KCNH1: variants seen among roughly 807,000 people sequenced by gnomAD.
The protein encoded by KCNH1 is potassium voltage-gated channel subfamily H member 1, also known as voltage-gated delayed rectifier potassium channel KCNH1.
Under a neutral mutation model 69.2 loss-of-function variants are expected in KCNH1, and 27 were observed. The observed-to-expected ratio is 0.39, with a 90% CI of 0.29 to 0.54. The LOEUF is 0.54. KCNH1 is among the 20% of genes least tolerant of loss of function. The pLI, the probability that KCNH1 is intolerant of heterozygous loss-of-function variation, is 0.68. For synonymous variants in KCNH1, 456 were observed against 487.7 expected, an observed-to-expected ratio of 0.93 and a Z score of 0.86; for missense variants, 798 against 1,261.6, an observed-to-expected ratio of 0.63 and a Z score of 5.57.
At position 211,103,517 on chromosome 1, in the gene KCNH1, T is replaced by A; in HGVS notation, c.289A>T (p.Ile97Phe). ...FENYEMNSFE[I>F]LMYKKNRTPV... Reference sequence around the variant, plus strand: ...TCACTGTTCTTCTTGTACATCAGAATTTCAAAGGAATTCATCTCATAGTTC... The same window carrying A: ...TCACTGTTCTTCTTGTACATCAGAAATTCAAAGGAATTCATCTCATAGTTC... The change falls in exon 3 of 11, where the codon ATT becomes TTT. Residue 97 changes from isoleucine (I) to phenylalanine (F), a missense_variant. Coordinates refer to ENST00000271751, the MANE Select transcript of KCNH1 (RefSeq NM_172362.3). The A allele has an allele frequency of 6.2e-7, 1 of 1,611,456 alleles. No homozygotes were observed. Among genetic ancestry groups the A allele is most frequent in the Non-Finnish European group, 8.5e-7 (1 of 1,178,058 alleles).
chr1:211,086,636 A>T (rs747317039), intron 4 of KCNH1, among the ~76,000 whole-genome samples: 1 of 152,180 alleles, frequency 6.6e-6, no homozygotes, highest in Non-Finnish European at 1.5e-5. Context: ...TCAGGAATGG[A>T]GAAATGGCTT....
intron 6 of KCNH1, among the ~76,000 whole-genome samples, chr1:210,977,751 A>G (rs1215780202): frequency 3.3e-5 from 5 of 152,148 alleles, no homozygotes; most frequent in Non-Finnish European, 7.4e-5. Flanking sequence ...AACCTGAAAA[A>G]ATGTATTTTT....
intron 7 of KCNH1, among the ~76,000 whole-genome samples, chr1:210,829,807 G>A (rs1179396977): frequency 6.6e-6 from 1 of 152,066 alleles, no homozygotes; most frequent in Admixed American, 6.6e-5. Context: ...CCTTTACCAA[G>A]CTCTATGATC....
intron 7 of KCNH1, among the ~76,000 whole-genome samples, chr1:210,857,264 GA>G (rs1242287054): frequency 2.0e-5 from 3 of 152,130 alleles, no homozygotes; most frequent in Non-Finnish European, 2.9e-5. Flanking sequence ...ACATATCTGG[GA>G]GCTTGATCCT....
At chr1:210,978,247 C>G (rs1364474773) in intron 6 of KCNH1, among the ~76,000 whole-genome samples, 1 of 152,062 alleles carries the variant, frequency 6.6e-6, no homozygotes, top group Non-Finnish European at 1.5e-5. Flanking sequence ...ACCATGTTAG[C>G]CAGGATGGTC....
At chr1:211,077,143 C>G in intron 5 of KCNH1, among the ~76,000 whole-genome samples, 1 of 152,070 alleles carries the variant, frequency 6.6e-6, no homozygotes, top group East Asian at 1.9e-4. Context: ...ATTGGTGTAC[C>G]TGAAACTGAT....
rs1286278696 is a variant in KCNH1, at chr1:210,851,611, C to A, written c.1463-47445G>T. On this transcript the variant is annotated intron_variant, in intron 7 of 10. Coordinates refer to ENST00000271751, the MANE Select transcript of KCNH1 (RefSeq NM_172362.3). ...TTTGGGAAATACATTTTTAGGTGAT[C>A]CCATCCTTGTGTGAGCATCATAGAG... Among the ~76,000 whole-genome samples, 4 of 152,180 alleles carry A rather than the reference C, an allele frequency of 2.6e-5. No individual in the cohort carries two copies. The South Asian group carries it at 8.3e-4, about 32-fold the overall frequency.
chr1:210,854,043 G>T (rs565520012), intron 7 of KCNH1, among the ~76,000 whole-genome samples: 5 of 147,412 alleles, frequency 3.4e-5, no homozygotes, highest in African/African-American at 1.3e-4. Context: ...ATAAAAGAGG[G>T]CCAAAAATCA....
chr1:210,947,574 CA>C (rs200240311), intron 6 of KCNH1, among the ~76,000 whole-genome samples: 11,608 of 113,370 alleles, frequency 0.1, 572 homozygotes, highest in South Asian at 0.23. Context: ...GACTCTGTCT[CA>C]AAAAAAAAAA....
intron 1 of KCNH1, chr1:211,108,517 G>A (rs545278739): frequency 6.6e-6 from 1 of 152,080 alleles, no homozygotes; most frequent in South Asian, 2.1e-4. Flanking sequence ...CTTCAGATAG[G>A]CTTCTCCACC....
intron 7 of KCNH1, among the ~76,000 whole-genome samples, chr1:210,850,040 T>C (rs1296819797): frequency 6.6e-6 from 1 of 152,170 alleles, no homozygotes; most frequent in African/African-American, 2.4e-5. Context: ...ATCTCCTTCG[T>C]GACCAAAATT....
intron 8 of KCNH1, among the ~76,000 whole-genome samples, chr1:210,803,000 C>T (rs1226411647): frequency 6.6e-6 from 1 of 152,058 alleles, no homozygotes; most frequent in Non-Finnish European, 1.5e-5. Flanking sequence ...CTGGTGAAGG[C>T]TGGGATAGTT....
intron 7 of KCNH1, chr1:210,858,897 T>G: frequency 3.2e-6 from 1 of 313,180 alleles, no homozygotes. Context: ...ACTTTGAAGC[T>G]TCAGAGTCAG....
intron 6 of KCNH1, among the ~76,000 whole-genome samples, chr1:210,937,802 T>G (rs1687800328): frequency 6.6e-6 from 1 of 152,182 alleles, no homozygotes. Flanking sequence ...GAACGCTGAC[T>G]ACTACAACAA....
intron 7 of KCNH1, chr1:210,862,027 T>A: frequency 1.3e-6 from 1 of 779,528 alleles, no homozygotes; most frequent in Non-Finnish European, 2.4e-6. Context: ...ACAATGGCAA[T>A]CTTCTTCTGG....
At chr1:210,855,443 G>A (rs55993725) in intron 7 of KCNH1, among the ~76,000 whole-genome samples, 56,734 of 152,074 alleles carry the variant, frequency 0.37, 10,780 homozygotes, top group African/African-American at 0.45. Context: ...TAGGCATTGT[G>A]GCCATGGCTA....
intron 7 of KCNH1, among the ~76,000 whole-genome samples, chr1:210,879,170 C>T (rs1314376171): frequency 2.0e-5 from 3 of 152,028 alleles, no homozygotes; most frequent in Non-Finnish European, 4.4e-5. Flanking sequence ...ATAGGTCCAC[C>T]AGTGAACTCT....
intron 6 of KCNH1, among the ~76,000 whole-genome samples, chr1:210,968,332 G>A (rs1047569822): frequency 2.2e-5 from 3 of 136,966 alleles, no homozygotes; most frequent in Non-Finnish European, 4.6e-5. Context: ...AAACATACGT[G>A]TGCATGTGTC....
intron 1 of KCNH1, among the ~76,000 whole-genome samples, chr1:211,131,806 A>C (rs1691880565): frequency 6.6e-6 from 1 of 151,910 alleles, no homozygotes; most frequent in African/African-American, 2.4e-5. Context: ...TTAAAAATTC[A>C]TCCAACTCTC....
Sources: gnomAD v4.1 joint callset for allele counts (sites outside exome capture counted in the v4.1 genomes callset) on GRCh38, gnomAD v4.1.1 for gene constraint, MANE v1.5 for transcripts, NCBI Gene and HGNC (gene_info 2026-07-23, HGNC 2026-07-21) for gene names.